C12orf54: variants seen among roughly 807,000 people sequenced by gnomAD.
C12orf54 encodes the protein chromosome 12 open reading frame 54.
C12orf54 carries 24 observed loss-of-function variants against 26.4 expected under a neutral mutation model. The ratio of observed to expected loss-of-function variants is 0.91; its 90% CI spans 0.66 to 1.28. C12orf54 has a LOEUF of 1.28. Ranked by LOEUF, C12orf54 falls within the 50% of genes most tolerant of loss-of-function variation. The pLI, the probability that C12orf54 is intolerant of heterozygous loss-of-function variation, is 0.00. For missense variants in C12orf54, 154 were observed against 150.9 expected, an observed-to-expected ratio of 1.02 and a Z score of -0.11; for synonymous variants, 54 against 47.0, an observed-to-expected ratio of 1.15 and a Z score of -0.61.
the C12orf54 span, among the ~76,000 whole-genome samples, chr12:48,433,487 G>T: frequency 2.3e-3 from 335 of 147,440 alleles, 3 homozygotes; most frequent in Non-Finnish European, 3.9e-3. Flanking sequence ...TTGCTCTGTT[G>T]CCCAGGCTGG....
the C12orf54 span, among the ~76,000 whole-genome samples, chr12:48,437,299 C>T: frequency 6.6e-6 from 1 of 152,184 alleles, no homozygotes; most frequent in Non-Finnish European, 1.5e-5. Context: ...CAGATGGATT[C>T]ACAGCTGAAT....
At chr12:48,428,689 C>G in the C12orf54 span, among the ~76,000 whole-genome samples, 7,258 of 151,886 alleles carry the variant, frequency 0.048, 591 homozygotes, top group African/African-American at 0.16. Context: ...AAATTACCAA[C>G]GAAAAATAGT....
At chr12:48,420,906 T>C in the C12orf54 span, among the ~76,000 whole-genome samples, 1 of 152,172 alleles carries the variant, frequency 6.6e-6, no homozygotes, top group Admixed American at 6.6e-5. Context: ...TGGATGGATT[T>C]AATTTTAACT....
chr12:48,422,063 T>A, the C12orf54 span, among the ~76,000 whole-genome samples: 1 of 152,066 alleles, frequency 6.6e-6, no homozygotes, highest in African/African-American at 2.4e-5. Context: ...GAAAATAGAA[T>A]CCACTCTAAG....
At chr12:48,467,626 G>T in the C12orf54 span, among the ~76,000 whole-genome samples, 2 of 152,090 alleles carry the variant, frequency 1.3e-5, no homozygotes, top group Non-Finnish European at 2.9e-5. Context: ...ATCCATGGTT[G>T]CTTCAGGATG....
At chr12:48,494,691 G>A in intron 7 of C12orf54, 107 bp from the exon 8 acceptor site, 1 of 1,212,568 alleles carries the variant, frequency 8.2e-7, no homozygotes, top group East Asian at 2.4e-5. Flanking sequence ...GCCCATTCTT[G>A]GGGGAGTGTA....
At chr12:48,467,633 G>A in the C12orf54 span, among the ~76,000 whole-genome samples, 1 of 152,034 alleles carries the variant, frequency 6.6e-6, no homozygotes, top group Non-Finnish European at 1.5e-5. Flanking sequence ...GTTGCTTCAG[G>A]ATGGGAGGGT....
the C12orf54 span, among the ~76,000 whole-genome samples, chr12:48,470,966 A>G: frequency 6.6e-6 from 1 of 152,206 alleles, no homozygotes; most frequent in East Asian, 1.9e-4. Context: ...CAAGTTACAA[A>G]TAATGCAATT....
the C12orf54 span, among the ~76,000 whole-genome samples, chr12:48,418,607 G>A: frequency 3.2e-3 from 487 of 152,268 alleles, 2 homozygotes; most frequent in Middle Eastern, 0.014. Context: ...TGTGAGGAAT[G>A]GTTGGCTTGG....
chr12:48,438,041 C>A, the C12orf54 span, among the ~76,000 whole-genome samples: 1 of 152,146 alleles, frequency 6.6e-6, no homozygotes, highest in Admixed American at 6.5e-5. Flanking sequence ...AGCTGATAAG[C>A]AACTTCAGCA....
the C12orf54 span, among the ~76,000 whole-genome samples, chr12:48,437,451 A>T: frequency 6.6e-6 from 1 of 152,202 alleles, no homozygotes; most frequent in African/African-American, 2.4e-5. Flanking sequence ...ACAACAAAAA[A>T]AGAAAATTTT....
At chr12:48,491,573 A>C (rs1223825980) in intron 6 of C12orf54, among the ~76,000 whole-genome samples, 1 of 152,170 alleles carries the variant, frequency 6.6e-6, no homozygotes, top group Non-Finnish European at 1.5e-5. Context: ...TCTTGTCTGT[A>C]AAGACAGCAA....
chr12:48,480,613 G>A (rs1272836626), upstream of C12orf54, among the ~76,000 whole-genome samples: 1 of 152,136 alleles, frequency 6.6e-6, no homozygotes, highest in Non-Finnish European at 1.5e-5. Context: ...TGGTGGGGAT[G>A]CAAATTAGTT....
At chr12:48,440,226 A>G in the C12orf54 span, among the ~76,000 whole-genome samples, 2 of 149,360 alleles carry the variant, frequency 1.3e-5, no homozygotes, top group Non-Finnish European at 3.0e-5. Context: ...CTCCATCTCA[A>G]AAAAAAAAAA....
chr12:48,456,968 G>A, the C12orf54 span, among the ~76,000 whole-genome samples: 3 of 152,004 alleles, frequency 2.0e-5, no homozygotes, highest in East Asian at 5.8e-4. Context: ...ATAGGATGCT[G>A]AATATTTAGA....
At chr12:48,426,778 T>C in the C12orf54 span, among the ~76,000 whole-genome samples, 2 of 152,198 alleles carry the variant, frequency 1.3e-5, no homozygotes, top group African/African-American at 4.8e-5. Flanking sequence ...TTTGTAATTC[T>C]CATTGTAGAG....
At chr12:48,418,097 G>A in the C12orf54 span, among the ~76,000 whole-genome samples, 1 of 152,230 alleles carries the variant, frequency 6.6e-6, no homozygotes, top group Admixed American at 6.5e-5. Flanking sequence ...CAGCAGAGGG[G>A]CTGATTGAAG....
At chr12:48,484,606 A>G (rs1015833414) in intron 2 of C12orf54, among the ~76,000 whole-genome samples, 4 of 152,214 alleles carry the variant, frequency 2.6e-5, no homozygotes, top group Admixed American at 6.5e-5. Flanking sequence ...TCCTTGAGAG[A>G]AAGATTACTC....
the C12orf54 span, among the ~76,000 whole-genome samples, chr12:48,450,891 C>A: frequency 0.27 from 41,547 of 151,970 alleles, 6,475 homozygotes; most frequent in East Asian, 0.69. Context: ...TAAATTCTAC[C>A]AGAGGTACAA....
Sources: allele counts gnomAD v4.1 joint callset (sites outside exome capture counted in the v4.1 genomes callset), GRCh38; gene constraint gnomAD v4.1.1; transcripts MANE v1.5; gene names NCBI Gene and HGNC (gene_info 2026-07-23, HGNC 2026-07-21).